KDM5B: variants seen among roughly 807,000 people sequenced by gnomAD.
KDM5B encodes lysine-specific demethylase 5B.
A neutral mutation model predicts 193.4 loss-of-function variants in KDM5B; 144 were observed. The ratio of observed to expected loss-of-function variants is 0.74; its 90% CI spans 0.65 to 0.86. The LOEUF is 0.86. KDM5B is among the 40% of genes least tolerant of loss of function. KDM5B has a pLI of 0.00. For synonymous variants in KDM5B, 668 were observed against 682.6 expected (o/e 0.98, Z 0.33); for missense variants, 1,833 against 1,886.9 (o/e 0.97, Z 0.53).
chr1:202,785,931 C>T (rs1167871553), intron 1 of KDM5B, among the ~76,000 whole-genome samples: 1 of 151,022 alleles, frequency 6.6e-6, no homozygotes, highest in Non-Finnish European at 1.5e-5. Context: ...AAAAAAGTGC[C>T]GGTTTTTCTC....
In KDM5B at chr1:202,749,106, G is replaced by A. The variant is rs1397413851; in HGVS notation, c.1855C>T (p.Arg619Cys). The change falls in exon 14 of 27, where the codon CGC becomes TGC. Residue 619 changes from arginine to cysteine, a missense_variant. By Grantham distance (180) the Arg-to-Cys change is radical. Around this residue, in one of 3 missense-constraint regions of KDM5B, gnomAD observed 1,379 missense variants for 1,349.6 expected, o/e 1.02. Transcript: ENST00000367265. ...PLGRQCVEHY[R>C]LLHRYCVFSH... Reference sequence around the variant, plus strand: ...AACACACAATATCGATGAAGCAAGCGATAATGCTCCACACACTGTCGGCCT... The same window carrying A: ...AACACACAATATCGATGAAGCAAGCAATAATGCTCCACACACTGTCGGCCT... 9.9e-6 allele frequency: 16 copies of A among 1,613,634 alleles called. No individual in the cohort carries two copies. The highest frequency in any genetic ancestry group is 2.2e-5 in the East Asian group (1 of 44,896).
intron 4 of KDM5B, among the ~76,000 whole-genome samples, chr1:202,768,215 G>A (rs961754787): frequency 3.3e-5 from 5 of 152,282 alleles, no homozygotes; most frequent in Admixed American, 2.0e-4. Flanking sequence ...CTAAAGGAGG[G>A]TATTTAATGC....
rs573207274 is a variant in KDM5B, at chr1:202,731,866, G to A, written c.3983C>T (p.Ser1328Phe). Residue 1328 changes from serine to phenylalanine, a missense_variant, in exon 24 of 27, where the codon TCC becomes TTC. By Grantham distance (155) the Ser-to-Phe change is radical (BLOSUM62 -2). Around this residue, in one of 3 missense-constraint regions of KDM5B, gnomAD observed 1,379 missense variants for 1,349.6 expected, o/e 1.02. Transcript: ENST00000367265. ...ACAACTTCGTCCAGTTGAGAAGGGG[G>A]AGTGCAAATATGAGGTTCTGTTGTC... The part of the protein sequence containing the change: ...DWDNRTSYLH[S>F]PFSTGRSCIP... 4.7e-5 allele frequency: 76 copies of A among 1,613,632 alleles called. No homozygotes were observed. In the South Asian group the frequency reaches 7.8e-4, roughly 17 times the overall value.
intron 23 of KDM5B, 67 bp downstream of exon 23, chr1:202,733,334 C>T (rs1654962467): frequency 1.3e-6 from 2 of 1,542,316 alleles, no homozygotes; most frequent in South Asian, 2.5e-5. Context: ...ACCAAAGCTA[C>T]AGGTTCGAGA....
At chr1:202,764,580 A>G (rs969821827) in intron 5 of KDM5B, among the ~76,000 whole-genome samples, 5 of 152,142 alleles carry the variant, frequency 3.3e-5, no homozygotes, top group Non-Finnish European at 7.4e-5. Flanking sequence ...GGCTGCAGTG[A>G]GCTGAGATGG....
chr1:202,742,172 C>T (rs1331569969), intron 18 of KDM5B, among the ~76,000 whole-genome samples: 2 of 152,144 alleles, frequency 1.3e-5, no homozygotes, highest in Non-Finnish European at 2.9e-5. Context: ...CATGCCCAGC[C>T]AAGGTCACTT....
chr1:202,730,898 C>T lies in KDM5B; in HGVS notation c.4176+11G>A. ...ACTGTGCCTTGCCCCAGAAGCCTCT[C>T]AGACACTCACCTTCTCACTGCTGGG... On this transcript the variant is annotated intron_variant, in intron 25 of 26. Transcript: ENST00000367265. 1 of 1,582,858 alleles carries T rather than the reference C, an allele frequency of 6.3e-7. No individual in the cohort carries two copies.
chr1:202,767,206 T>A (rs950301478), intron 4 of KDM5B, 146 bp from the exon 5 acceptor site: 23 of 1,560,328 alleles, frequency 1.5e-5, no homozygotes, highest in Admixed American at 1.2e-4. Flanking sequence ...TCATATCTGT[T>A]AAATGGAGGA....
At chr1:202,730,806 G>T in intron 25 of KDM5B, 103 bp downstream of exon 25, 1 of 1,147,878 alleles carries the variant, frequency 8.7e-7, no homozygotes, top group Non-Finnish European at 1.2e-6. Flanking sequence ...CAGTCTAATC[G>T]CCCAGTCCTC....
intron 1 of KDM5B, among the ~76,000 whole-genome samples, chr1:202,786,603 T>C (rs1657424218): frequency 1.3e-5 from 2 of 152,240 alleles, no homozygotes; most frequent in African/African-American, 4.8e-5. Context: ...CGATTTCTTT[T>C]GCACCAACCT....
chr1:202,744,080 T>C (rs934487409), intron 16 of KDM5B, among the ~76,000 whole-genome samples: 1 of 152,122 alleles, frequency 6.6e-6, no homozygotes, highest in African/African-American at 2.4e-5. Flanking sequence ...ACTTGCAAAC[T>C]GTGCATCTGA....
intron 6 of KDM5B, 56 bp from the exon 7 acceptor site, chr1:202,762,864 C>G (rs1656309362): frequency 1.1e-6 from 1 of 903,926 alleles, no homozygotes; most frequent in East Asian, 2.4e-5. Flanking sequence ...ACTTCCTCAT[C>G]ATCTCCCTCC....
chr1:202,756,599 C>T (rs1558495490), intron 9 of KDM5B, 83 bp from the exon 10 acceptor site: 8 of 1,078,134 alleles, frequency 7.4e-6, no homozygotes, highest in Non-Finnish European at 1.0e-5. Flanking sequence ...AATCAAAGAA[C>T]AGCATCCTAA....
chr1:202,782,288 T>G (rs1237524661), intron 1 of KDM5B, among the ~76,000 whole-genome samples: 1 of 152,178 alleles, frequency 6.6e-6, no homozygotes, highest in Non-Finnish European at 1.5e-5. Flanking sequence ...AAAATTAAAT[T>G]TATTTGTAAT....
At chr1:202,746,853 C>T (rs997065383) in intron 14 of KDM5B, among the ~76,000 whole-genome samples, 1 of 152,132 alleles carries the variant, frequency 6.6e-6, no homozygotes. Context: ...ATATCATTAA[C>T]TGAATAGTTA....
chr1:202,804,765 T>C lies in KDM5B; in HGVS notation c.204+3337A>G, dbSNP rs1487976209. Among the ~76,000 whole-genome samples, 13 of 151,282 alleles carry C rather than the reference T, an allele frequency of 8.6e-5. 1 individual carries two copies. In the Admixed American group the frequency reaches 8.6e-4, roughly 10 times the overall value. ...TGGCTCACGCCTGTAATCCCAGCAC[T>C]TTGGGAGGCCGAGGCGCATGGATCA... On this transcript the variant is annotated intron_variant, in intron 1 of 26. Coordinates refer to ENST00000367265, the MANE Select transcript of KDM5B (RefSeq NM_006618.5).
In KDM5B at chr1:202,729,014, G is replaced by C; in HGVS notation, c.*22C>G. ...TGGAGTCCTGAATTACATTAAGTAG[G>C]GGGGTATCTGTTTTTGTGTTTTTAC... On this transcript the variant is annotated 3_prime_UTR_variant, in exon 27 of 27. Coordinates refer to ENST00000367265, the MANE Select transcript of KDM5B (RefSeq NM_006618.5). 6.2e-7 allele frequency: 1 copy of C among 1,613,782 alleles called. No homozygotes were observed. Among genetic ancestry groups the C allele is most frequent in the African/African-American group, 1.3e-5 (1 of 75,014 alleles).
Position 202,730,035 on chromosome 1 carries a change from G to T in KDM5B, c.4177-8C>A. 1 of 1,592,356 alleles carries T rather than the reference G, an allele frequency of 6.3e-7. No homozygotes were observed. Among genetic ancestry groups the T allele is most frequent in the Middle Eastern group, 1.7e-4 (1 of 5,902 alleles). On this transcript the variant is annotated splice_region_variant and splice_polypyrimidine_tract_variant and intron_variant, in intron 25 of 26. Transcript: ENST00000367265. ...CCCTCGGCAACAGTCATTCTGGGTG[G>T]AAGATAGGAAAGTTCAATTTTCGCC...
chr1:202,788,433 T>C (rs1271603626), intron 1 of KDM5B, among the ~76,000 whole-genome samples: 1 of 152,234 alleles, frequency 6.6e-6, no homozygotes, highest in Non-Finnish European at 1.5e-5. Context: ...TTCTACGGAA[T>C]ATTAGTAAAT....
Sources: gnomAD v4.1 joint callset for allele counts (sites outside exome capture counted in the v4.1 genomes callset) on GRCh38, gnomAD v4.1.1 for gene constraint, gnomAD v4.1.1 regional missense constraint, MANE v1.5 for transcripts, NCBI Gene and HGNC (gene_info 2026-07-23, HGNC 2026-07-21) for gene names.